The following PCDH19 variants were observed in gnomAD, a reference collection of about 807,000 sequenced individuals.
PCDH19 encodes the protein protocadherin 19, also known as protocadherin-19.
A neutral mutation model predicts 46.2 loss-of-function variants in PCDH19; 6 were observed. The ratio of observed to expected loss-of-function variants is 0.13; its 90% CI spans 0.07 to 0.26. The LOEUF is 0.26. Ranked by LOEUF, PCDH19 falls within the 10% of genes least tolerant of loss-of-function variation. PCDH19 has a pLI of 1.00. For synonymous variants in PCDH19, 481 were observed against 415.7 expected (o/e 1.16, Z -1.91); for missense variants, 740 against 972.3 (o/e 0.76, Z 3.18).
chrX:100,376,265 GAAA>G (rs1229752497), intron 3 of PCDH19, among the ~76,000 whole-genome samples: 2 of 56,692 alleles, frequency 3.5e-5, no homozygotes, highest in Non-Finnish European at 7.3e-5. Flanking sequence ...GAAAAGAAAA[GAAA>G]AAAGAAAAGA....
intron 5 of PCDH19, among the ~76,000 whole-genome samples, chrX:100,332,796 C>T (rs890020420): frequency 1.8e-5 from 2 of 109,705 alleles, no homozygotes; most frequent in South Asian, 7.9e-4. Context: ...AGGACTGCTG[C>T]TTGAGCCTAG....
At chrX:100,403,444 T>G in intron 2 of PCDH19, 80 bp downstream of exon 2, 1 of 1,035,311 alleles carries the variant, frequency 9.7e-7, no homozygotes, top group African/African-American at 1.9e-5. Context: ...CGGTTCCCTT[T>G]TACTCACCCC....
chrX:100,314,489 G>C (rs2147461308), intron 5 of PCDH19, among the ~76,000 whole-genome samples: 1 of 112,263 alleles, frequency 8.9e-6, no homozygotes, highest in South Asian at 3.7e-4. Flanking sequence ...ACTTGGATCT[G>C]TGAGGAAGCT....
intron 3 of PCDH19, among the ~76,000 whole-genome samples, chrX:100,359,825 GTGTC>G (rs1926831545): frequency 9.1e-6 from 1 of 110,275 alleles, no homozygotes; most frequent in Admixed American, 9.7e-5. Flanking sequence ...GTGTGTGTGT[GTGTC>G]TGTGTAATCT....
intron 5 of PCDH19, among the ~76,000 whole-genome samples, chrX:100,305,805 T>A (rs760441366): frequency 7.2e-5 from 8 of 111,641 alleles, no homozygotes; most frequent in Non-Finnish European, 1.5e-4. Flanking sequence ...GCAACAGCAG[T>A]TTAAAAAGAC....
intron 3 of PCDH19, among the ~76,000 whole-genome samples, chrX:100,368,462 C>A (rs1220861447): frequency 4.5e-5 from 5 of 111,632 alleles, no homozygotes; most frequent in Non-Finnish European, 9.4e-5. Flanking sequence ...AGAGAGCTTT[C>A]CTTTCACCAT....
intron 3 of PCDH19, among the ~76,000 whole-genome samples, chrX:100,359,466 A>C (rs1157788134): frequency 7.1e-5 from 8 of 112,199 alleles, no homozygotes; most frequent in Non-Finnish European, 1.5e-4. Flanking sequence ...TGCCCTTTAG[A>C]GGCAATGGCA....
intron 3 of PCDH19, among the ~76,000 whole-genome samples, chrX:100,385,923 T>C (rs1289762149): frequency 9.0e-6 from 1 of 111,479 alleles, no homozygotes; most frequent in Non-Finnish European, 1.9e-5. Flanking sequence ...TATAACATAA[T>C]GTAAAGATGA....
chrX:100,310,293 T>G, intron 5 of PCDH19, among the ~76,000 whole-genome samples: 1 of 111,094 alleles, frequency 9.0e-6, no homozygotes, highest in Non-Finnish European at 1.9e-5. Context: ...TCGATTCAAT[T>G]CAATCCATAA....
intron 3 of PCDH19, among the ~76,000 whole-genome samples, chrX:100,399,318 A>T (rs1448118875): frequency 8.9e-6 from 1 of 112,198 alleles, no homozygotes; most frequent in Non-Finnish European, 1.9e-5. Flanking sequence ...TAGGAAATAT[A>T]TCAAAATGTT....
intron 5 of PCDH19, among the ~76,000 whole-genome samples, chrX:100,318,906 A>G (rs1449554668): frequency 1.8e-5 from 2 of 110,962 alleles, no homozygotes; most frequent in Admixed American, 1.9e-4. Context: ...TGTGAGAAAT[A>G]TTCTTTCCCT....
chrX:100,402,547 T>C lies in PCDH19; in HGVS notation c.2593A>G (p.Ile865Val). 8.3e-7 allele frequency: 1 copy of C among 1,211,508 alleles called. No homozygotes were observed. The highest frequency in any genetic ancestry group is 1.1e-6 in the Non-Finnish European group (1 of 895,162). Residue 865 changes from isoleucine (I) to valine (V), a missense_variant, in exon 3 of 6, where the codon ATC becomes GTC. Ile to Val is a conservative substitution (Grantham distance 29, BLOSUM62 3). This residue lies in a region of PCDH19 where 416 missense variants were observed against 476.8 expected (regional missense o/e 0.87). Coordinates refer to ENST00000373034, the MANE Select transcript of PCDH19 (RefSeq NM_001184880.2). ...ACCTCAGGCAGAGGCACACCGTTGATAATCAGGTCAGGCTGCTGGGGCCCC... is the reference window on the plus strand; with the variant it reads ...ACCTCAGGCAGAGGCACACCGTTGACAATCAGGTCAGGCTGCTGGGGCCCC... ...SQGPQQPDLI[I>V]NGVPLPETEN... is the part of the protein sequence containing the mutation.
intron 5 of PCDH19, among the ~76,000 whole-genome samples, chrX:100,334,496 A>T (rs905264164): frequency 9.0e-6 from 1 of 111,511 alleles, no homozygotes; most frequent in Non-Finnish European, 1.9e-5. Context: ...CCCCAATCTC[A>T]TATCAGGATT....
chrX:100,338,310 C>A (rs1334595379), intron 5 of PCDH19, among the ~76,000 whole-genome samples: 2 of 98,314 alleles, frequency 2.0e-5, no homozygotes. Context: ...CCACTGCACT[C>A]CAGCCTGGGC....
chrX:100,402,405 C>G (rs1820912712), intron 3 of PCDH19, 119 bp downstream of exon 3: 1 of 618,543 alleles, frequency 1.6e-6, no homozygotes, highest in African/African-American at 2.2e-5. Context: ...TGGGCATAAG[C>G]AGAGAAATTC....
At chrX:100,332,245 G>A (rs1206752871) in intron 5 of PCDH19, among the ~76,000 whole-genome samples, 1 of 112,223 alleles carries the variant, frequency 8.9e-6, no homozygotes, top group African/African-American at 3.2e-5. Flanking sequence ...TATGGGGCCA[G>A]GGGCGGTGGT....
chrX:100,330,221 C>T (rs181554268), intron 5 of PCDH19, among the ~76,000 whole-genome samples: 1 of 112,157 alleles, frequency 8.9e-6, no homozygotes, highest in Admixed American at 9.4e-5. Context: ...GTTTGACCAG[C>T]CTAAATATCT....
At chrX:100,335,104 A>G (rs901489853) in intron 5 of PCDH19, among the ~76,000 whole-genome samples, 2 of 111,506 alleles carry the variant, frequency 1.8e-5, no homozygotes, top group Non-Finnish European at 3.8e-5. Context: ...GTGAAGAACA[A>G]CTTTTTATTT....
intron 5 of PCDH19, among the ~76,000 whole-genome samples, chrX:100,336,050 A>G (rs1241648994): frequency 1.8e-5 from 2 of 112,433 alleles, no homozygotes; most frequent in Non-Finnish European, 3.8e-5. Context: ...GGGGGATCTA[A>G]TCAACCGCTT....
Sources: allele counts gnomAD v4.1 joint callset (sites outside exome capture counted in the v4.1 genomes callset), GRCh38; gene constraint gnomAD v4.1.1; regional missense constraint gnomAD v4.1.1; transcripts MANE v1.5; gene names NCBI Gene and HGNC (gene_info 2026-07-23, HGNC 2026-07-21).